Variants in SPATA21 observed in about 807,000 individuals in gnomAD.
SPATA21 encodes spermatogenesis associated 21, also known as spermatogenesis-associated protein 21.
A neutral mutation model predicts 54.8 loss-of-function variants in SPATA21; 47 were observed. The observed-to-expected ratio is 0.86, with a 90% CI of 0.68 to 1.09. SPATA21 has a LOEUF of 1.09. Among genes scored for constraint, SPATA21 ranks in the 50% least tolerant of loss-of-function variants. The pLI is 0.00. For missense variants in SPATA21, 599 were observed against 596.4 expected, an observed-to-expected ratio of 1.00 and a Z score of -0.05; for synonymous variants, 245 against 235.3, an observed-to-expected ratio of 1.04 and a Z score of -0.38.
intron 5 of SPATA21, among the ~76,000 whole-genome samples, chr1:16,414,249 A>G (rs2085936267): frequency 6.6e-6 from 1 of 151,812 alleles, no homozygotes; most frequent in Non-Finnish European, 1.5e-5. Context: ...TTGTATTTTT[A>G]GTAGAGACAG....
Position 16,421,856 on chromosome 1 carries a change from T to G in SPATA21, c.95+55A>C. 6.2e-7 allele frequency: 1 copy of G among 1,613,570 alleles called. No homozygotes were observed. The highest frequency in any genetic ancestry group is 2.2e-5 in the East Asian group (1 of 44,874). On this transcript the variant is annotated intron_variant, in intron 4 of 12. Transcript: ENST00000335496. This position sits in a 1 kb window ranked among gnomAD's most constrained non-coding sequence, Gnocchi z 5.2. ...GACTAGAATTCACCCCACCTGAAAC[T>G]CAGCAGAAGAGCATCCTTGTTGGGG...
chr1:16,409,193 C>T lies in SPATA21; in HGVS notation c.598G>A (p.Glu200Lys), dbSNP rs765323384. 7.4e-6 allele frequency: 12 copies of T among 1,614,114 alleles called. No homozygotes were observed. The South Asian group carries it at 1.2e-4, about 16-fold the overall frequency. Residue 200 changes from glutamate to lysine, a missense_variant, in exon 7 of 13, where the codon GAA becomes AAA. Physicochemically the swap from Glu to Lys is moderately conservative, Grantham distance 56 (BLOSUM62 1). Transcript: ENST00000335496. The surrounding 1 kb of genome is among the most constrained non-coding windows in gnomAD (Gnocchi z 4.1). ...LSYAKARQEP[E>K]EQSLQKLYQN... is the part of the protein sequence containing the mutation. ...TAAAGCTTTTGGAGGCTCTGCTCTT[C>T]CGGCTCCTGCCTGCAGAGGACAGAA... is the stretch of plus-strand genomic sequence containing the variant.
chr1:16,403,823 A>T lies in SPATA21; in HGVS notation c.905T>A (p.Met302Lys). The T allele has an allele frequency of 6.2e-7, 1 of 1,610,732 alleles. No individual in the cohort carries two copies. The highest frequency in any genetic ancestry group is 8.5e-7 in the Non-Finnish European group (1 of 1,178,350). The stretch of plus-strand genomic sequence containing the variant: ...TAGAGTGTGGGGGTTGTGGGGAGCC[A>T]TGTCCGACAGGGCGTTCTGTTCTGG... Reference protein sequence around the residue: ...CSVEQNALSDMAPHNPHTLLF... With the variant: ...CSVEQNALSDKAPHNPHTLLF... Residue 302 changes from methionine to lysine, a missense_variant, in exon 10 of 13, where the codon ATG (methionine) becomes AAG (lysine). By Grantham distance (95) the Met-to-Lys change is moderately conservative. Transcript: ENST00000335496.
Position 16,398,722 on chromosome 1 carries a change from C to T in SPATA21, c.*43G>A. ...AGCTCCTGCCTGGTGGCCCATCTGT[C>T]TACAGGCCTTGAGCAGCTGCCTAGA... On this transcript the variant is annotated 3_prime_UTR_variant, in exon 13 of 13. Coordinates refer to ENST00000335496, the MANE Select transcript of SPATA21 (RefSeq NM_198546.1). 2 of 1,611,654 alleles carry T rather than the reference C, an allele frequency of 1.2e-6. No individual in the cohort carries two copies. Among genetic ancestry groups the T allele is most frequent in the Admixed American group, 3.3e-5 (2 of 59,976 alleles).
chr1:16,406,905 A>C (rs2085659837), intron 7 of SPATA21, among the ~76,000 whole-genome samples: 1 of 152,186 alleles, frequency 6.6e-6, no homozygotes, highest in Non-Finnish European at 1.5e-5. Flanking sequence ...CTGATCTTGG[A>C]CTTCCAGCCT....
At chr1:16,411,571 A>C (rs569761843) in intron 5 of SPATA21, among the ~76,000 whole-genome samples, 23 of 152,092 alleles carry the variant, frequency 1.5e-4, no homozygotes, top group Non-Finnish European at 3.1e-4. Flanking sequence ...CAGGCGGATC[A>C]CAAGGTCAGG....
rs537654279 is a variant in SPATA21, at chr1:16,413,704, C to T, written c.145-3661G>A. Reference sequence around the variant, plus strand: ...TCTTGGCTCACCGAACCTCCACCTCCCAGGTTCAAGCGATTCTCCTGCCTC... The same window carrying T: ...TCTTGGCTCACCGAACCTCCACCTCTCAGGTTCAAGCGATTCTCCTGCCTC... On this transcript the variant is annotated intron_variant, in intron 5 of 12. Coordinates refer to ENST00000335496, the MANE Select transcript of SPATA21 (RefSeq NM_198546.1). Among the ~76,000 whole-genome samples, 25 of 152,252 alleles carry T rather than the reference C, an allele frequency of 1.6e-4. No individual in the cohort carries two copies. In the South Asian group the frequency reaches 5.0e-3, roughly 30 times the overall value.
chr1:16,398,878 C>A, intron 12 of SPATA21, 56 bp from the exon 13 acceptor site: 2 of 1,562,930 alleles, frequency 1.3e-6, no homozygotes, highest in Non-Finnish European at 1.7e-6. Context: ...TCCCTATCTG[C>A]CAGTATATGA....
chr1:16,426,011 G>A (rs956288270), intron 3 of SPATA21, among the ~76,000 whole-genome samples: 1 of 151,980 alleles, frequency 6.6e-6, no homozygotes, highest in Non-Finnish European at 1.5e-5. Flanking sequence ...GCCTCCCAAA[G>A]TGCTGGGATT....
rs746980477 is a variant in SPATA21, at chr1:16,409,858, G to T, written c.330C>A (p.Ala110=). The part of the protein sequence containing the change: ...RRASKARSQT[A]QKSPRTLTPV... ...GGGTCAGGGTCCTGGGCGACTTCTG[G>T]GCTGTCTGGGACCGGGCCTTCGAGG... is the stretch of plus-strand genomic sequence containing the variant. The change falls in exon 6 of 13, where the codon GCC becomes GCA. Residue 110 remains alanine (A), a synonymous_variant. Transcript: ENST00000335496. The surrounding 1 kb of genome is among the most constrained non-coding windows in gnomAD (Gnocchi z 4.1). 6.2e-7 allele frequency: 1 copy of T among 1,608,032 alleles called. No homozygotes were observed. Among genetic ancestry groups the T allele is most frequent in the Non-Finnish European group, 8.5e-7 (1 of 1,177,446 alleles).
chr1:16,403,126 A>T (rs2085505801), intron 10 of SPATA21, among the ~76,000 whole-genome samples: 1 of 152,112 alleles, frequency 6.6e-6, no homozygotes, highest in Admixed American at 6.5e-5. Context: ...TCTTCCTTAG[A>T]TGAACCACTA....
intron 3 of SPATA21, chr1:16,425,182 A>G: frequency 2.1e-6 from 1 of 482,974 alleles, no homozygotes. Context: ...AAGTGCTGGG[A>G]TTAACAGGCG....
In SPATA21 at chr1:16,409,628, T is replaced by A; in HGVS notation, c.560A>T (p.Glu187Val). The change falls in exon 6 of 13, where the codon GAG becomes GTG. Residue 187 changes from glutamate to valine, a missense_variant. Glu to Val is a moderately radical substitution (Grantham distance 121, BLOSUM62 -2). Transcript: ENST00000335496. This position sits in a 1 kb window ranked among gnomAD's most constrained non-coding sequence, Gnocchi z 4.1. ...RRMELLHQSS[E>V]RTLSYAKARQ... ...CGCCTTGGCGTAGCTCAGGGTTCTCTCGCTGCTCTGGTGCAAGAGTTCCAT... is the reference window on the plus strand; with the variant it reads ...CGCCTTGGCGTAGCTCAGGGTTCTCACGCTGCTCTGGTGCAAGAGTTCCAT... The A allele has an allele frequency of 6.2e-7, 1 of 1,612,682 alleles. No homozygotes were observed. Among genetic ancestry groups the A allele is most frequent in the Non-Finnish European group, 8.5e-7 (1 of 1,179,958 alleles).
chr1:16,415,442 C>T (rs1226307351), intron 5 of SPATA21, among the ~76,000 whole-genome samples: 1 of 152,210 alleles, frequency 6.6e-6, no homozygotes, highest in Admixed American at 6.5e-5. Context: ...GGGGACTCCC[C>T]ATGGCCCTCT....
At chr1:16,424,202 CT>C (rs1557668351) in intron 3 of SPATA21, among the ~76,000 whole-genome samples, 4 of 3,704 alleles carry the variant, frequency 1.1e-3, no homozygotes, top group Non-Finnish European at 1.3e-3. Flanking sequence ...AATCCCAGCA[CT>C]TTGGGAGGCT....
chr1:16,437,062 A>T (rs182441974), intron 1 of SPATA21, 66 bp downstream of exon 1: 1 of 152,296 alleles, frequency 6.6e-6, no homozygotes, highest in Admixed American at 6.5e-5. Flanking sequence ...GGCATATCAT[A>T]TATATGTCTG....
At chr1:16,400,524 A>T in intron 11 of SPATA21, 196 bp downstream of exon 11, 1 of 1,363,294 alleles carries the variant, frequency 7.3e-7, no homozygotes, top group Non-Finnish European at 9.5e-7. Context: ...CCAACGCAGG[A>T]GGCCATTGTC....
chr1:16,429,146 T>C (rs2086393213), intron 3 of SPATA21, among the ~76,000 whole-genome samples: 1 of 152,076 alleles, frequency 6.6e-6, no homozygotes, highest in African/African-American at 2.4e-5. Flanking sequence ...GTTGACTTTT[T>C]ATTTTTTTTT....
chr1:16,419,678 G>A (rs1467780971), intron 5 of SPATA21, among the ~76,000 whole-genome samples: 8 of 152,218 alleles, frequency 5.3e-5, no homozygotes, highest in African/African-American at 9.6e-5. Context: ...GGTGGCTCAC[G>A]CCTGTGATCC....
Sources: gnomAD v4.1 joint callset for allele counts (sites outside exome capture counted in the v4.1 genomes callset) on GRCh38, gnomAD v4.1.1 for gene constraint, Gnocchi (gnomAD v3.1) non-coding constraint, MANE v1.5 for transcripts, NCBI Gene and HGNC (gene_info 2026-07-23, HGNC 2026-07-21) for gene names.